NEMP1: variants seen among roughly 807,000 people sequenced by gnomAD.
NEMP1 encodes the protein nuclear envelope integral membrane protein 1.
Under a neutral mutation model 53.7 loss-of-function variants are expected in NEMP1, and 29 were observed. The observed-to-expected ratio is 0.54, with a 90% confidence interval of 0.40 to 0.74. NEMP1 has a LOEUF of 0.74. Ranked by LOEUF, NEMP1 falls within the 30% of genes least tolerant of loss-of-function variation. NEMP1 has a pLI of 0.00. For missense variants in NEMP1, 477 were observed against 528.6 expected (o/e 0.90, Z 0.96); for synonymous variants, 193 against 192.9 (o/e 1.00, Z 0.00).
chr12:57,079,019 G>A (rs1183444559), upstream of NEMP1, among the ~76,000 whole-genome samples: 1 of 152,208 alleles, frequency 6.6e-6, no homozygotes, highest in Non-Finnish European at 1.5e-5. Flanking sequence ...ACATGCTTCC[G>A]TCTTCAGTTT....
chr12:57,085,305 G>C (rs1389370799), intron 1 of NEMP1, among the ~76,000 whole-genome samples: 1 of 152,216 alleles, frequency 6.6e-6, no homozygotes, highest in East Asian at 1.9e-4. Flanking sequence ...TCAGCCTCCT[G>C]AAGTGCTATG....
At chr12:57,085,441 C>G (rs1002415703) in intron 1 of NEMP1, among the ~76,000 whole-genome samples, 3 of 152,196 alleles carry the variant, frequency 2.0e-5, no homozygotes, top group Admixed American at 6.5e-5. Context: ...ATCACTCACC[C>G]TCTTATACTT....
At chr12:57,084,676 C>T (rs769192186) in intron 1 of NEMP1, among the ~76,000 whole-genome samples, 1 of 152,158 alleles carries the variant, frequency 6.6e-6, no homozygotes, top group Non-Finnish European at 1.5e-5. Context: ...AGTAACACCA[C>T]AGGATGAAGT....
intron 1 of NEMP1, among the ~76,000 whole-genome samples, chr12:57,073,419 G>C (rs1449904503): frequency 6.6e-6 from 1 of 151,866 alleles, no homozygotes; most frequent in African/African-American, 2.4e-5. Context: ...GTGGGCGGAT[G>C]ACCTGAGGTC....
chr12:57,079,949 ATTGTTGTTGTTG>A (rs747167133), upstream of NEMP1, among the ~76,000 whole-genome samples: 1 of 151,042 alleles, frequency 6.6e-6, no homozygotes, highest in Non-Finnish European at 1.5e-5. Flanking sequence ...TGTTTGTTTC[ATTGTTGTTGTTG>A]TTGTTGTTGT....
intron 6 of NEMP1, 35 bp downstream of exon 6, chr12:57,064,036 A>T: frequency 7.6e-7 from 1 of 1,308,816 alleles, no homozygotes; most frequent in Non-Finnish European, 1.1e-6. Flanking sequence ...CAGCCTATAA[A>T]CGTACAAAAG....
At chr12:57,065,790 C>G (rs2032043394) in intron 4 of NEMP1, among the ~76,000 whole-genome samples, 1 of 152,008 alleles carries the variant, frequency 6.6e-6, no homozygotes, top group South Asian at 2.1e-4. Context: ...CCTGAGCCAC[C>G]ACGCCTAGCC....
Position 57,077,745 on chromosome 12 carries a change from C to T in NEMP1, c.127+874G>A, listed in dbSNP as rs140507583. ...GGATTAACAGTGTGGTTTCTGCCTG[C>T]TTCTTTATACTTAATTGTACCTTGC... On this transcript the variant is annotated intron_variant, in intron 1 of 8. Coordinates refer to ENST00000300128, the MANE Select transcript of NEMP1 (RefSeq NM_001130963.2). Among the ~76,000 whole-genome samples the T allele has an allele frequency of 2.7e-4, 41 of 152,190 alleles. No individual in the cohort carries two copies. In the East Asian group the frequency reaches 7.5e-3, roughly 28 times the overall value.
chr12:57,076,041 T>C (rs1303108348), intron 1 of NEMP1, among the ~76,000 whole-genome samples: 2 of 152,024 alleles, frequency 1.3e-5, no homozygotes, highest in Non-Finnish European at 2.9e-5. Flanking sequence ...GTGGCCGAGA[T>C]GGCACCACTG....
At chr12:57,069,393 C>A in intron 3 of NEMP1, 87 bp from the exon 4 acceptor site, 1 of 823,752 alleles carries the variant, frequency 1.2e-6, no homozygotes. Flanking sequence ...CACTATTGGT[C>A]AGCTACAGTA....
rs988444337 is a variant in NEMP1, at chr12:57,059,827, C to A, written c.*52G>T. 2.1e-4 allele frequency: 316 copies of A among 1,518,288 alleles called. No homozygotes were observed. The highest frequency in any genetic ancestry group is 2.7e-4 in the Non-Finnish European group (297 of 1,105,464). 94.1% of individuals were successfully genotyped at this position (1,518,288 alleles called of 1,614,324 possible). On this transcript the variant is annotated 3_prime_UTR_variant, in exon 9 of 9. Coordinates refer to ENST00000300128, the MANE Select transcript of NEMP1 (RefSeq NM_001130963.2). The stretch of plus-strand genomic sequence containing the variant: ...GTTGAAAGCAATTGCACAACACATG[C>A]AACATGGACCAAGGCACCAAGCCAG...
intron 1 of NEMP1, among the ~76,000 whole-genome samples, chr12:57,075,435 T>C (rs1314634265): frequency 4.4e-5 from 6 of 135,106 alleles, no homozygotes; most frequent in African/African-American, 1.7e-4. Flanking sequence ...AAATAAATAG[T>C]TGGGAGCCAA....
intron 6 of NEMP1, among the ~76,000 whole-genome samples, 155 bp downstream of exon 6, chr12:57,063,916 A>C (rs1227222352): frequency 1.3e-5 from 2 of 152,250 alleles, no homozygotes; most frequent in Admixed American, 6.5e-5. Flanking sequence ...ATAATTGTAG[A>C]GGGATTAGAA....
At chr12:57,074,076 C>T (rs2032484902) in intron 1 of NEMP1, among the ~76,000 whole-genome samples, 1 of 151,766 alleles carries the variant, frequency 6.6e-6, no homozygotes, top group African/African-American at 2.4e-5. Flanking sequence ...TCAAACAATC[C>T]TCCCACTTCA....
At position 57,060,791 on chromosome 12, in the gene NEMP1, G is replaced by A. The variant is rs2031761449; in HGVS notation, c.1135C>T (p.Arg379Ter). 4 of 1,612,004 alleles carry A rather than the reference G, an allele frequency of 2.5e-6. No homozygotes were observed. The highest frequency in any genetic ancestry group is 1.3e-5 in the African/African-American group (1 of 74,738). ...PDCSAWKTVS[R>*]IQSPKRFADF... ...GTTTACCTTTTTGGAGACTGGATTC[G>A]AGAAACAGTCTTCCAAGCAGAGCAG... The change falls in exon 8 of 9, where the codon CGA becomes TGA. Residue 379 changes from arginine (R) to a stop codon, truncating the protein, a stop_gained. Coordinates refer to ENST00000300128, the MANE Select transcript of NEMP1 (RefSeq NM_001130963.2). LOFTEE classifies it high-confidence loss of function.
At chr12:57,077,189 G>A (rs1165739525) in intron 1 of NEMP1, among the ~76,000 whole-genome samples, 1 of 151,780 alleles carries the variant, frequency 6.6e-6, no homozygotes, top group Non-Finnish European at 1.5e-5. Flanking sequence ...AAAATTAGCC[G>A]GGCGTGGTGG....
upstream of NEMP1, among the ~76,000 whole-genome samples, chr12:57,081,716 G>C (rs1458250604): frequency 6.7e-6 from 1 of 149,592 alleles, no homozygotes; most frequent in African/African-American, 2.5e-5. Flanking sequence ...GACCATCCTG[G>C]CTAACATGGT....
rs1328360163 is a variant in NEMP1 at position 57,060,807 on chromosome 12, A to G, written c.1119T>C (p.Ala373=). Residue 373 remains alanine, a synonymous_variant, in exon 8 of 9, where the codon GCT becomes GCC. Transcript: ENST00000300128. ...REFCNSPDCS[A]WKTVSRIQSP... ...ACTGGATTCGAGAAACAGTCTTCCA[A>G]GCAGAGCAGTCTGGACTGTTACAAA... 2.5e-6 allele frequency: 4 copies of G among 1,613,764 alleles called. No homozygotes were observed. Among genetic ancestry groups the G allele is most frequent in the Non-Finnish European group, 3.4e-6 (4 of 1,179,866 alleles).
At chr12:57,075,741 C>T (rs987690867) in intron 1 of NEMP1, among the ~76,000 whole-genome samples, 1 of 151,592 alleles carries the variant, frequency 6.6e-6, no homozygotes, top group African/African-American at 2.4e-5. Context: ...CTGAGGCGGG[C>T]AGATCATTTG....
Sources: allele counts gnomAD v4.1 joint callset (sites outside exome capture counted in the v4.1 genomes callset), GRCh38; gene constraint gnomAD v4.1.1; transcripts MANE v1.5; gene names NCBI Gene and HGNC (gene_info 2026-07-23, HGNC 2026-07-21).